Variants in ZC3H7A observed in about 807,000 individuals in gnomAD.
The protein encoded by ZC3H7A is zinc finger CCCH domain-containing protein 7A.
A neutral mutation model predicts 125.5 loss-of-function variants in ZC3H7A; 44 were observed. That is an observed-to-expected ratio of 0.35 (90% CI 0.28 to 0.45). The LOEUF (loss-of-function observed/expected upper bound fraction) is 0.45. ZC3H7A is among the 20% of genes least tolerant of loss of function. The pLI is 1.00. For synonymous variants in ZC3H7A, 399 were observed against 391.2 expected (o/e 1.02, Z -0.23); for missense variants, 977 against 1,170.7 (o/e 0.83, Z 2.41).
intron 1 of ZC3H7A, among the ~76,000 whole-genome samples, chr16:11,794,182 G>A (rs901771660): frequency 5.3e-5 from 8 of 152,260 alleles, no homozygotes; most frequent in South Asian, 4.1e-4. Flanking sequence ...ACCCAAGACC[G>A]CCAGCCGATG....
At chr16:11,769,290 C>G (rs554182548) in intron 10 of ZC3H7A, among the ~76,000 whole-genome samples, 195 bp from the exon 11 acceptor site, 4 of 152,200 alleles carry the variant, frequency 2.6e-5, no homozygotes, top group East Asian at 1.9e-4. Context: ...AGGGCATAGT[C>G]AAACAAATTT....
chr16:11,755,311 G>A (rs1291292163), intron 21 of ZC3H7A, among the ~76,000 whole-genome samples: 2 of 152,154 alleles, frequency 1.3e-5, no homozygotes, highest in Admixed American at 1.3e-4. Context: ...AACATATGGG[G>A]TTCTAACTTT....
intron 10 of ZC3H7A, 45 bp downstream of exon 10, chr16:11,770,738 G>A: frequency 6.5e-7 from 1 of 1,529,808 alleles, no homozygotes; most frequent in Non-Finnish European, 8.9e-7. Flanking sequence ...TTTTCATTTT[G>A]AGAAAATCAA....
In ZC3H7A at chr16:11,769,784, C is replaced by CTTT. The variant is rs200241879; in HGVS notation, c.1109-692_1109-690dup. ...AATCAGTAAAGTTTTCAATTGCTTT[C>CTTT]TTTTTTTTTTTTTTTTTTTTTTTGA... On this transcript the variant is annotated intron_variant, in intron 10 of 22. Transcript: ENST00000355758. 5.9e-3 allele frequency among the ~76,000 whole-genome samples: 361 copies of CTTT among 61,590 alleles called. 59 individuals are homozygous for CTTT. The highest frequency in any genetic ancestry group is 0.031 in the African/African-American group (315 of 10,248). 40.4% of individuals were successfully genotyped at this position (61,590 alleles called of 152,430 possible).
intron 1 of ZC3H7A, 84 bp downstream of exon 1, chr16:11,797,040 C>G (rs1049202180): frequency 7.3e-6 from 1 of 136,946 alleles, no homozygotes; most frequent in Admixed American, 7.3e-5. Context: ...CGCGCGCGAG[C>G]ACGAGGCGGC....
rs763451215 is a variant in ZC3H7A at position 11,754,321 on chromosome 16, A to AAATAT, written c.2563-1490_2563-1489insATATT. Among the ~76,000 whole-genome samples the AAATAT allele has an allele frequency of 6.3e-3, 880 of 140,428 alleles. 9 individuals are homozygous for AAATAT. The highest frequency in any genetic ancestry group is 0.02 in the African/African-American group (762 of 38,614). 92.1% of individuals were successfully genotyped at this position (140,428 alleles called of 152,430 possible). A position where few individuals can be genotyped will look rare whatever the true frequency, so the allele number is the denominator to read the frequency against. On this transcript the variant is annotated intron_variant, in intron 21 of 22. Transcript: ENST00000355758. ...AAAAAAAAAAAAAGGAAGAAAAAAA[A>AAATAT]ATATATATATATATATAATAAAATA... is the stretch of plus-strand genomic sequence containing the variant.
intron 1 of ZC3H7A, among the ~76,000 whole-genome samples, chr16:11,794,774 A>G (rs1282393940): frequency 6.6e-6 from 1 of 152,204 alleles, no homozygotes; most frequent in East Asian, 1.9e-4. Flanking sequence ...TACAATGACA[A>G]TTTAACCCAC....
At chr16:11,782,198 T>C in intron 2 of ZC3H7A, 89 bp downstream of exon 2, 1 of 1,454,222 alleles carries the variant, frequency 6.9e-7, no homozygotes, top group East Asian at 2.3e-5. Context: ...CTATTAAACA[T>C]GACTAAAGAG....
Position 11,776,361 on chromosome 16 carries a change from G to C in ZC3H7A, c.547-3C>G, listed in dbSNP as rs1392437690. 1 of 1,608,792 alleles carries C rather than the reference G, an allele frequency of 6.2e-7. No homozygotes were observed. Among genetic ancestry groups the C allele is most frequent in the Non-Finnish European group, 8.5e-7 (1 of 1,178,804 alleles). ...CCAGGAACTGATTTTAATGAGAGCT[G>C]AAATAAAATAAAGACACTAATTTAA... is the stretch of plus-strand genomic sequence containing the variant. On this transcript the variant is annotated splice_polypyrimidine_tract_variant and splice_region_variant and intron_variant, in intron 6 of 22. Coordinates refer to ENST00000355758, the MANE Select transcript of ZC3H7A (RefSeq NM_014153.4).
At chr16:11,770,178 C>T (rs565360166) in intron 10 of ZC3H7A, among the ~76,000 whole-genome samples, 76 of 152,154 alleles carry the variant, frequency 5.0e-4, no homozygotes, top group Non-Finnish European at 9.6e-4. Flanking sequence ...ATCTTTAAGT[C>T]AATTATGTAA....
In ZC3H7A at chr16:11,750,819, T is replaced by C. The variant is rs1196549782; in HGVS notation, c.*498A>G. The C allele has an allele frequency of 6.5e-6, 1 of 152,704 alleles. No individual in the cohort carries two copies. Among genetic ancestry groups the C allele is most frequent in the Admixed American group, 6.5e-5 (1 of 15,286 alleles). 9.5% of individuals were successfully genotyped at this position (152,704 alleles called of 1,614,324 possible). ...AAATACCCCATTTAACAAATACTAG[T>C]GTTAAATGGTTATTTGGCTTAAAAT... On this transcript the variant is annotated 3_prime_UTR_variant, in exon 23 of 23. Transcript: ENST00000355758.
intron 21 of ZC3H7A, chr16:11,753,068 G>A: frequency 2.2e-6 from 1 of 460,094 alleles, no homozygotes; most frequent in Admixed American, 4.0e-5. Context: ...AATAGGAGCT[G>A]GTATGCAAAC....
At position 11,780,996 on chromosome 16, in the gene ZC3H7A, G is replaced by GT. The variant is rs555729150; in HGVS notation, c.108+428dup. On this transcript the variant is annotated intron_variant, in intron 3 of 22. Transcript: ENST00000355758. ...CCACTTATTTTCAATGACATGAGAA[G>GT]TAATTTTCAAGTGGCTCAAAAGATA... is the stretch of plus-strand genomic sequence containing the variant. Among the ~76,000 whole-genome samples the GT allele has an allele frequency of 1.1e-4, 17 of 152,104 alleles. No individual in the cohort carries two copies. The East Asian group carries it at 1.2e-3, about 10-fold the overall frequency.
chr16:11,770,686 T>C (rs2052964135), intron 10 of ZC3H7A, 97 bp downstream of exon 10: 2 of 1,107,362 alleles, frequency 1.8e-6, no homozygotes, highest in Non-Finnish European at 2.5e-6. Context: ...ATAATTCACA[T>C]GTCTACTACC....
At chr16:11,795,364 C>T (rs1009798207) in intron 1 of ZC3H7A, among the ~76,000 whole-genome samples, 9 of 152,336 alleles carry the variant, frequency 5.9e-5, no homozygotes, top group Admixed American at 2.0e-4. Context: ...CCCAGCTGCG[C>T]GCTGTCCAGT....
chr16:11,761,813 C>T, intron 18 of ZC3H7A, 97 bp downstream of exon 18: 1 of 1,509,636 alleles, frequency 6.6e-7, no homozygotes, highest in Non-Finnish European at 8.9e-7. Flanking sequence ...TTTCTCTCCT[C>T]TCTTCAAAGC....
In ZC3H7A at chr16:11,776,511, T is replaced by A; in HGVS notation, c.487A>T (p.Thr163Ser). ...VPQDEHVIKL[T>S]QELAQKLGFK... Reference sequence around the variant, plus strand: ...CCCAATTTCTGAGCTAGTTCTTGAGTTAGTTTTATTACATGCTCATCCTGA... The same window carrying A: ...CCCAATTTCTGAGCTAGTTCTTGAGATAGTTTTATTACATGCTCATCCTGA... Residue 163 changes from threonine to serine, a missense_variant, in exon 6 of 23, where the codon ACT (threonine) becomes TCT (serine). By Grantham distance (58) the Thr-to-Ser change is moderately conservative. Transcript: ENST00000355758. 6.2e-7 allele frequency: 1 copy of A among 1,611,068 alleles called. No individual in the cohort carries two copies. The highest frequency in any genetic ancestry group is 8.5e-7 in the Non-Finnish European group (1 of 1,179,112).
rs1567375949 is a variant in ZC3H7A at position 11,762,050 on chromosome 16, C to T, written c.2080-7G>A. The T allele has an allele frequency of 2.5e-6, 4 of 1,576,958 alleles. No homozygotes were observed. Among genetic ancestry groups the T allele is most frequent in the Admixed American group, 2.0e-5 (1 of 50,278 alleles). Reference sequence around the variant, plus strand: ...TTATTTGATTACCAAGTACCTTAAACAATTAAAAGATTCGTTTTAATTTTT... The same window carrying T: ...TTATTTGATTACCAAGTACCTTAAATAATTAAAAGATTCGTTTTAATTTTT... On this transcript the variant is annotated splice_polypyrimidine_tract_variant and splice_region_variant and intron_variant, in intron 17 of 22. Transcript: ENST00000355758.
At chr16:11,775,103 T>G (rs2053057194) in intron 7 of ZC3H7A, 90 bp from the exon 8 acceptor site, 1 of 1,418,272 alleles carries the variant, frequency 7.1e-7, no homozygotes, top group Non-Finnish European at 9.9e-7. Flanking sequence ...CCGGGCACAG[T>G]GGCTCACGCC....
Sources: allele counts gnomAD v4.1 joint callset (sites outside exome capture counted in the v4.1 genomes callset), GRCh38; gene constraint gnomAD v4.1.1; transcripts MANE v1.5; gene names NCBI Gene and HGNC (gene_info 2026-07-23, HGNC 2026-07-21).